The following RIC1 variants were observed in gnomAD, a reference collection of about 807,000 sequenced individuals.
The protein encoded by RIC1 is RIC1 partner of RAB6A GEF complex.
RIC1 carries 88 observed loss-of-function variants against 169.0 expected under a neutral mutation model. That is an observed-to-expected ratio of 0.52 (90% CI 0.44 to 0.62). The LOEUF (loss-of-function observed/expected upper bound fraction) is 0.62. Ranked by LOEUF, RIC1 falls within the 20% of genes least tolerant of loss-of-function variation. The pLI, the probability that RIC1 is intolerant of heterozygous loss-of-function variation, is 0.00. For missense variants in RIC1, 1,877 were observed against 1,725.5 expected (o/e 1.09, Z -1.56); for synonymous variants, 790 against 601.5 (o/e 1.31, Z -4.59).
At chr9:5,677,782 A>C (rs1820542021) in intron 2 of RIC1, among the ~76,000 whole-genome samples, 2 of 152,182 alleles carry the variant, frequency 1.3e-5, no homozygotes, top group African/African-American at 4.8e-5. Flanking sequence ...TGTAAATTAA[A>C]ACTACATTGT....
At chr9:5,711,203 T>C (rs927506901) in intron 3 of RIC1, among the ~76,000 whole-genome samples, 1 of 152,160 alleles carries the variant, frequency 6.6e-6, no homozygotes, top group Non-Finnish European at 1.5e-5. Flanking sequence ...AATAGGAATG[T>C]CATTGAACTC....
chr9:5,742,999 T>C lies in RIC1; in HGVS notation c.1032T>C (p.Leu344=), dbSNP rs150243054. The C allele has an allele frequency of 1.2e-6, 2 of 1,606,964 alleles. No individual in the cohort carries two copies. The highest frequency in any genetic ancestry group is 1.1e-5 in the South Asian group (1 of 88,842). The change falls in exon 9 of 26, where the codon CTT becomes CTC. Residue 344 remains leucine, a synonymous_variant. Transcript: ENST00000414202. ...SVFGAQLICT[L]GGDFAYRSDG... The stretch of plus-strand genomic sequence containing the variant: ...TTGGAGCACAGCTGATTTGTACACT[T>C]GGAGGAGATTTTGCGTAAGTCAAAA...
chr9:5,670,124 T>C (rs1820004922), intron 2 of RIC1, among the ~76,000 whole-genome samples: 1 of 152,244 alleles, frequency 6.6e-6, no homozygotes, highest in Non-Finnish European at 1.5e-5. Flanking sequence ...TTACTTTGCC[T>C]GTATGAAGTT....
In RIC1 at chr9:5,690,052, C is replaced by G. The variant is rs1452166761; in HGVS notation, c.332+14C>G. 3.3e-6 allele frequency: 5 copies of G among 1,526,256 alleles called. No homozygotes were observed. The Admixed American group carries it at 6.0e-5, about 18-fold the overall frequency. The allele number at this position is 1,526,256 out of a possible 1,614,324, so 94.5% of individuals were successfully genotyped here. ...AGTGTATCCCAAGTAAGTTTGTTGC[C>G]TTTCATTCTTTTAATATGTGATTTG... On this transcript the variant is annotated intron_variant, in intron 3 of 25. Transcript: ENST00000414202.
At chr9:5,692,962 C>T (rs141903435) in intron 3 of RIC1, among the ~76,000 whole-genome samples, 11 of 152,144 alleles carry the variant, frequency 7.2e-5, no homozygotes, top group East Asian at 3.9e-4. Flanking sequence ...TAGTCACACG[C>T]GAATAAGTTG....
chr9:5,769,029 A>G lies in RIC1; in HGVS notation c.3197A>G (p.His1066Arg). 6.2e-7 allele frequency: 1 copy of G among 1,614,112 alleles called. No individual in the cohort carries two copies. The highest frequency in any genetic ancestry group is 8.5e-7 in the Non-Finnish European group (1 of 1,179,974). Reference sequence around the variant, plus strand: ...TATATTGACATGATGCTCTGGAGACATGCTCGGCGCCTCTTAGAAGATGTG... The same window carrying G: ...TATATTGACATGATGCTCTGGAGACGTGCTCGGCGCCTCTTAGAAGATGTG... ...NMYIDMMLWR[H>R]ARRLLEDVRL... Residue 1066 changes from histidine (H) to arginine (R), a missense_variant, in exon 22 of 26, where the codon CAT (histidine) becomes CGT (arginine). Around this residue, in one of 3 missense-constraint regions of RIC1, gnomAD observed 681 missense variants for 582.0 expected, o/e 1.17. Transcript: ENST00000414202.
intron 2 of RIC1, among the ~76,000 whole-genome samples, chr9:5,681,423 G>C (rs563627831): frequency 6.6e-6 from 1 of 151,744 alleles, no homozygotes; most frequent in Non-Finnish European, 1.5e-5. Context: ...GCAGGAGCAG[G>C]TTGTTCAGTG....
In RIC1 at chr9:5,759,462, T is replaced by C. The variant is rs374743645; in HGVS notation, c.1992+2011T>C. On this transcript the variant is annotated intron_variant, in intron 17 of 25. Coordinates refer to ENST00000414202, the MANE Select transcript of RIC1 (RefSeq NM_020829.4). ...GAATCTTCTAGATTAAATAAGACTT[T>C]GAAGCCATAAAAACCAAATGCAGTG... Among the ~76,000 whole-genome samples the C allele has an allele frequency of 7.2e-5, 11 of 152,292 alleles. No homozygotes were observed. In the East Asian group the frequency reaches 1.9e-3, roughly 27 times the overall value.
chr9:5,680,603 C>G (rs1052103140), intron 2 of RIC1, among the ~76,000 whole-genome samples: 4 of 152,014 alleles, frequency 2.6e-5, no homozygotes, highest in Admixed American at 2.6e-4. Context: ...AGGAACTTAT[C>G]CATTTCTTCT....
chr9:5,757,863 C>T (rs1043253001), intron 17 of RIC1, among the ~76,000 whole-genome samples: 1 of 152,124 alleles, frequency 6.6e-6, no homozygotes. Flanking sequence ...ATGACACACT[C>T]AGGGAATTGG....
chr9:5,702,979 G>C (rs536956044), intron 3 of RIC1, among the ~76,000 whole-genome samples: 1 of 152,236 alleles, frequency 6.6e-6, no homozygotes, highest in East Asian at 1.9e-4. Context: ...ATTACAATTT[G>C]ACATAAGATT....
rs533267482 is a variant in RIC1 at position 5,706,928 on chromosome 9, C to G, written c.333-6968C>G. ...CTATTCTCGATTTCATGTATAGCCA[C>G]TCTAATTTTTATCACATCCATCCTT... On this transcript the variant is annotated intron_variant, in intron 3 of 25. Transcript: ENST00000414202. Among the ~76,000 whole-genome samples, 67 of 152,240 alleles carry G rather than the reference C, an allele frequency of 4.4e-4. 1 individual carries two copies. The highest frequency in any genetic ancestry group is 1.5e-3 in the African/African-American group (62 of 41,572).
At chr9:5,705,584 TAAAG>T (rs1302483586) in intron 3 of RIC1, among the ~76,000 whole-genome samples, 1 of 152,168 alleles carries the variant, frequency 6.6e-6, no homozygotes, top group Non-Finnish European at 1.5e-5. Context: ...CATCTTTGAA[TAAAG>T]AGAGTCCCAT....
At chr9:5,731,075 C>G (rs1824345634) in intron 6 of RIC1, among the ~76,000 whole-genome samples, 1 of 152,146 alleles carries the variant, frequency 6.6e-6, no homozygotes, top group South Asian at 2.1e-4. Flanking sequence ...TGTACTCCCT[C>G]TTCACCAGCA....
chr9:5,681,887 G>T (rs561354752), intron 2 of RIC1, among the ~76,000 whole-genome samples: 1 of 152,304 alleles, frequency 6.6e-6, no homozygotes, highest in South Asian at 2.1e-4. Context: ...TCTTCTTGTT[G>T]AATTGATCCC....
intron 1 of RIC1, among the ~76,000 whole-genome samples, chr9:5,648,602 G>GT (rs1212396263): frequency 6.6e-6 from 1 of 152,158 alleles, no homozygotes; most frequent in Non-Finnish European, 1.5e-5. Flanking sequence ...TCTTCATACT[G>GT]TTTTTGGTAA....
intron 2 of RIC1, among the ~76,000 whole-genome samples, chr9:5,671,241 C>G (rs1386374831): frequency 6.6e-6 from 1 of 150,772 alleles, no homozygotes; most frequent in African/African-American, 2.4e-5. Context: ...AGAGATGGCT[C>G]TCTGTATTAT....
chr9:5,677,606 A>G (rs997115029), intron 2 of RIC1, among the ~76,000 whole-genome samples: 1 of 151,450 alleles, frequency 6.6e-6, no homozygotes, highest in Non-Finnish European at 1.5e-5. Context: ...TTGAAATCAC[A>G]CAGTGTTAGG....
In RIC1 at chr9:5,629,378, C is replaced by G; in HGVS notation, c.69C>G (p.Phe23Leu). 1 of 1,533,752 alleles carries G rather than the reference C, an allele frequency of 6.5e-7. No individual in the cohort carries two copies. The highest frequency in any genetic ancestry group is 2.5e-5 in the East Asian group (1 of 40,644). ...CPLGSPAEAP[F>L]HVQSDPQRAF... The stretch of plus-strand genomic sequence containing the variant: ...TGGGGAGCCCGGCCGAGGCGCCTTT[C>G]CACGTTCAGTCCGACCCGCAGAGGG... The change falls in exon 1 of 26, where the codon TTC becomes TTG. Residue 23 changes from phenylalanine to leucine, a missense_variant. Physicochemically the swap from Phe to Leu is conservative, Grantham distance 22. Coordinates refer to ENST00000414202, the MANE Select transcript of RIC1 (RefSeq NM_020829.4).
Sources: allele counts gnomAD v4.1 joint callset (sites outside exome capture counted in the v4.1 genomes callset), GRCh38; gene constraint gnomAD v4.1.1; regional missense constraint gnomAD v4.1.1; transcripts MANE v1.5; gene names NCBI Gene and HGNC (gene_info 2026-07-23, HGNC 2026-07-21).